The following CDH4 variants were observed in gnomAD, a reference collection of about 807,000 sequenced individuals.
CDH4 encodes the protein cadherin-4.
Under a neutral mutation model 86.0 loss-of-function variants are expected in CDH4, and 33 were observed. The observed-to-expected ratio is 0.38, with a 90% CI of 0.29 to 0.51. CDH4 has a LOEUF of 0.51. Among genes scored for constraint, CDH4 ranks in the 20% least tolerant of loss-of-function variants. The pLI, the probability that CDH4 is intolerant of heterozygous loss-of-function variation, is 0.86. For synonymous variants in CDH4, 555 were observed against 549.4 expected, an observed-to-expected ratio of 1.01 and a Z score of -0.14; for missense variants, 1,114 against 1,307.4, an observed-to-expected ratio of 0.85 and a Z score of 2.28.
At chr20:61,514,051 C>T (rs547332600) in intron 2 of CDH4, among the ~76,000 whole-genome samples, 2 of 152,316 alleles carry the variant, frequency 1.3e-5, no homozygotes, top group African/African-American at 4.8e-5. Flanking sequence ...GGCAGGGGCA[C>T]GTCTCAGGAA....
chr20:61,706,010 C>G (rs369532607), intron 2 of CDH4, among the ~76,000 whole-genome samples: 13 of 152,220 alleles, frequency 8.5e-5, no homozygotes, highest in African/African-American at 3.1e-4. Flanking sequence ...CTGGCTTGGA[C>G]TGGACTTGGG....
rs34070182 is a variant in CDH4, at chr20:61,554,561, G to A, written c.170-189002G>A. 1.8e-3 allele frequency among the ~76,000 whole-genome samples: 277 copies of A among 152,360 alleles called. 1 individual carries two copies. The highest frequency in any genetic ancestry group is 3.1e-3 in the Non-Finnish European group (211 of 68,038). On this transcript the variant is annotated intron_variant, in intron 2 of 15. Transcript: ENST00000614565. Reference sequence around the variant, plus strand: ...CAGTCTGGAAAGGGCCCCAGCCATGGAACTGGGATTTGTTGCAGAAACCCA... The same window carrying A: ...CAGTCTGGAAAGGGCCCCAGCCATGAAACTGGGATTTGTTGCAGAAACCCA...
intron 2 of CDH4, among the ~76,000 whole-genome samples, chr20:61,519,186 G>A (rs189582503): frequency 1.1e-3 from 171 of 152,324 alleles, no homozygotes; most frequent in Non-Finnish European, 1.7e-3. Flanking sequence ...AGGAAGAAGG[G>A]CTTAAAAGCT....
intron 2 of CDH4, among the ~76,000 whole-genome samples, chr20:61,460,221 C>A (rs560264295): frequency 6.6e-6 from 1 of 152,202 alleles, no homozygotes; most frequent in African/African-American, 2.4e-5. Flanking sequence ...TGCCCACTGT[C>A]GGACTTTTCA....
chr20:61,539,733 TGTCCCCCCCAAGC>T (rs1012726365), intron 2 of CDH4, among the ~76,000 whole-genome samples: 2 of 152,134 alleles, frequency 1.3e-5, no homozygotes, highest in African/African-American at 4.8e-5. Context: ...CTCCTGGTGG[TGTCCCCCCCAAGC>T]CCTGCTGTCA....
chr20:61,565,853 T>A (rs1000604911), intron 2 of CDH4, among the ~76,000 whole-genome samples: 6 of 152,178 alleles, frequency 3.9e-5, no homozygotes, highest in African/African-American at 1.4e-4. Context: ...GACGCTGTCA[T>A]GAGGTTGCTG....
At chr20:61,334,959 C>T (rs140455825) in intron 2 of CDH4, among the ~76,000 whole-genome samples, 78 of 152,342 alleles carry the variant, frequency 5.1e-4, no homozygotes, top group African/African-American at 1.7e-3. Flanking sequence ...CCCCAGGCTC[C>T]AGCCTGTCCT....
chr20:61,679,693 C>T (rs1387969965), intron 2 of CDH4, among the ~76,000 whole-genome samples: 1 of 152,206 alleles, frequency 6.6e-6, no homozygotes, highest in Non-Finnish European at 1.5e-5. Flanking sequence ...ACTGGTGGTG[C>T]TGTGAGCACG....
intron 2 of CDH4, among the ~76,000 whole-genome samples, chr20:61,687,977 A>AC (rs2087605875): frequency 6.6e-6 from 1 of 152,152 alleles, no homozygotes; most frequent in Non-Finnish European, 1.5e-5. Context: ...GTACTAACTT[A>AC]GATATTATTA....
intron 2 of CDH4, among the ~76,000 whole-genome samples, chr20:61,624,923 C>T (rs909870740): frequency 6.6e-6 from 1 of 152,170 alleles, no homozygotes; most frequent in African/African-American, 2.4e-5. Context: ...GCATAGGAGG[C>T]CAGGAAACAG....
chr20:61,323,198 G>GA (rs2084518339), intron 2 of CDH4, among the ~76,000 whole-genome samples: 1 of 152,230 alleles, frequency 6.6e-6, no homozygotes, highest in African/African-American at 2.4e-5. Flanking sequence ...CCCTAGGGGA[G>GA]TGTGCACCTA....
intron 2 of CDH4, among the ~76,000 whole-genome samples, chr20:61,723,560 A>T (rs138471478): frequency 6.6e-6 from 1 of 152,096 alleles, no homozygotes; most frequent in African/African-American, 2.4e-5. Context: ...CACTTTACAG[A>T]TACCCCAAGC....
At chr20:61,451,571 C>A (rs1394170366) in intron 2 of CDH4, among the ~76,000 whole-genome samples, 4 of 152,170 alleles carry the variant, frequency 2.6e-5, no homozygotes, top group African/African-American at 9.7e-5. Flanking sequence ...CAAGTAGGTC[C>A]TTTGCTTACT....
At chr20:61,882,958 C>T (rs545187926) in intron 7 of CDH4, among the ~76,000 whole-genome samples, 31 of 152,300 alleles carry the variant, frequency 2.0e-4, no homozygotes, top group Admixed American at 5.2e-4. Context: ...CCAGCCTCTG[C>T]GCATCTCCTG....
intron 4 of CDH4, among the ~76,000 whole-genome samples, chr20:61,818,017 C>CT (rs371510926): frequency 7.6e-4 from 114 of 149,524 alleles, no homozygotes; most frequent in South Asian, 3.6e-3. Context: ...CCTGCACTTT[C>CT]TTTTTTTTTT....
rs897450936 is a variant in CDH4 at position 61,352,214 on chromosome 20, T to C, written c.169+97277T>C. Among the ~76,000 whole-genome samples, 12 of 152,336 alleles carry C rather than the reference T, an allele frequency of 7.9e-5. No individual in the cohort carries two copies. The East Asian group carries it at 2.3e-3, about 29-fold the overall frequency. On this transcript the variant is annotated intron_variant, in intron 2 of 15. Coordinates refer to ENST00000614565, the MANE Select transcript of CDH4 (RefSeq NM_001794.5). ...TCCATGAGTTCATTTCATTTTTAGC[T>C]TCTGTAAATAAGTGACAATGTGCAA...
At chr20:61,836,361 C>G (rs1056748696) in intron 4 of CDH4, among the ~76,000 whole-genome samples, 2 of 152,214 alleles carry the variant, frequency 1.3e-5, no homozygotes, top group East Asian at 3.8e-4. Flanking sequence ...AGCTAATTCA[C>G]TATTCCCCAC....
At chr20:61,500,506 C>A (rs1250034821) in intron 2 of CDH4, among the ~76,000 whole-genome samples, 1 of 151,776 alleles carries the variant, frequency 6.6e-6, no homozygotes, top group Non-Finnish European at 1.5e-5. Flanking sequence ...TCAGGCCCTG[C>A]AGCTCACTGC....
intron 2 of CDH4, among the ~76,000 whole-genome samples, chr20:61,338,550 T>C (rs776098473): frequency 6.6e-6 from 1 of 150,898 alleles, no homozygotes; most frequent in African/African-American, 2.4e-5. Context: ...AGATATTTGC[T>C]CCCTCCCCAA....
Sources: allele counts gnomAD v4.1 joint callset (sites outside exome capture counted in the v4.1 genomes callset), GRCh38; gene constraint gnomAD v4.1.1; transcripts MANE v1.5; gene names NCBI Gene and HGNC (gene_info 2026-07-23, HGNC 2026-07-21).